Variants in UNC79 observed in about 807,000 individuals in gnomAD.
UNC79 encodes unc-79 subunit of NALCN channel complex, also known as protein unc-79 homolog.
A neutral mutation model predicts 283.1 loss-of-function variants in UNC79; 37 were observed. The ratio of observed to expected loss-of-function variants is 0.13; its 90% CI spans 0.10 to 0.17. The LOEUF is 0.17. Among genes scored for constraint, UNC79 ranks in the 10% least tolerant of loss-of-function variants. The pLI is 1.00. For missense variants in UNC79, 2,272 were observed against 3,211.1 expected (o/e 0.71, Z 7.07); for synonymous variants, 1,107 against 1,200.2 (o/e 0.92, Z 1.61).
At chr14:93,579,530 A>G (rs1159808920) in intron 18 of UNC79, among the ~76,000 whole-genome samples, 2 of 152,082 alleles carry the variant, frequency 1.3e-5, no homozygotes, top group Admixed American at 1.3e-4. Flanking sequence ...CGCAGTGCCC[A>G]TGGATTTTTA....
At chr14:93,431,473 C>A (rs2055875867) in intron 1 of UNC79, among the ~76,000 whole-genome samples, 2 of 151,890 alleles carry the variant, frequency 1.3e-5, no homozygotes, top group African/African-American at 4.8e-5. Flanking sequence ...TCTGAGCATG[C>A]CCAGTTCTTG....
At chr14:93,449,834 G>A (rs1039169901) in intron 1 of UNC79, among the ~76,000 whole-genome samples, 1 of 152,184 alleles carries the variant, frequency 6.6e-6, no homozygotes, top group Non-Finnish European at 1.5e-5. Flanking sequence ...AAAGGGACTT[G>A]TATCTAGGGC....
intron 17 of UNC79, among the ~76,000 whole-genome samples, chr14:93,577,401 C>T (rs969028617): frequency 9.9e-5 from 15 of 152,282 alleles, no homozygotes; most frequent in Admixed American, 5.9e-4. Context: ...ATTGTTGTCT[C>T]ATAATAGTTT....
At chr14:93,446,394 G>GTTTTTTTTTTTTTTTTTTTTTTTTTTGTT in intron 1 of UNC79, among the ~76,000 whole-genome samples, 1 of 142,386 alleles carries the variant, frequency 7.0e-6, no homozygotes, top group Non-Finnish European at 1.5e-5. Context: ...CATGTGTGTG[G>GTTTTTTTTTTTTTTTTTTTTTTTTTTGTT]TTTTTTTTTT....
At chr14:93,476,574 C>T (rs1356224645) in intron 3 of UNC79, among the ~76,000 whole-genome samples, 6 of 152,072 alleles carry the variant, frequency 3.9e-5, no homozygotes, top group Non-Finnish European at 8.8e-5. Context: ...TTAATTCTAA[C>T]GACAATCAGA....
rs527922386 is a variant in UNC79, at chr14:93,489,675, C to T, written c.712+1920C>T. ...GGGTGGAGGTCCCACCTTCCAAACC[C>T]ATTGGGGTAAGAGTTCTGTCTTTTG... On this transcript the variant is annotated intron_variant, in intron 5 of 48. Coordinates refer to ENST00000555664, the Ensembl canonical transcript of UNC79. 1.8e-3 allele frequency among the ~76,000 whole-genome samples: 268 copies of T among 152,378 alleles called. 1 individual carries two copies. Among genetic ancestry groups the T allele is most frequent in the Middle Eastern group, 6.8e-3 (2 of 294 alleles).
intron 35 of UNC79, among the ~76,000 whole-genome samples, chr14:93,648,115 A>G (rs1352059668): frequency 3.9e-5 from 6 of 152,214 alleles, no homozygotes; most frequent in African/African-American, 1.4e-4. Context: ...GCTTTGAAGG[A>G]TCACTGCCTA....
intron 1 of UNC79, among the ~76,000 whole-genome samples, chr14:93,356,659 G>A (rs1235915525): frequency 6.6e-6 from 1 of 152,156 alleles, no homozygotes; most frequent in Non-Finnish European, 1.5e-5. Context: ...TGGCTTTACT[G>A]ACCCATTCTG....
exon 9 of UNC79, chr14:93,528,626 A>C (rs755102326): frequency 1.2e-6 from 2 of 1,613,930 alleles, no homozygotes; most frequent in South Asian, 2.2e-5. Flanking sequence ...TCTGTGAAGA[A>C]TGCAGCGAGA....
At chr14:93,420,630 T>C (rs1267721617) in intron 1 of UNC79, among the ~76,000 whole-genome samples, 4 of 151,814 alleles carry the variant, frequency 2.6e-5, no homozygotes, top group Non-Finnish European at 4.4e-5. Flanking sequence ...TTACAGAACA[T>C]TTTATGCAAC....
rs2053912228 is a variant in UNC79 at position 93,348,345 on chromosome 14, C to T, written c.-351+14822C>T. 4 of 475,976 alleles carry T rather than the reference C, an allele frequency of 8.4e-6. 1 individual carries two copies. The highest frequency in any genetic ancestry group is 7.2e-5 in the South Asian group (2 of 27,786). The allele number at this position is 475,976 out of a possible 1,614,324, so 29.5% of individuals were successfully genotyped here. A position where few individuals can be genotyped will look rare whatever the true frequency, so the allele number is the denominator to read the frequency against. On this transcript the variant is annotated intron_variant, in intron 1 of 49. Coordinates refer to the UNC79 transcript ENST00000256339. ...GTTAAATAAAACGGAAACACTTATT[C>T]GTGCTTGGTAATATGTGTGCAGATT...
At chr14:93,365,069 CA>C (rs1169336988) in intron 1 of UNC79, among the ~76,000 whole-genome samples, 2 of 149,918 alleles carry the variant, frequency 1.3e-5, no homozygotes, top group East Asian at 2.0e-4. Flanking sequence ...CCTATCTCTA[CA>C]AAAAAAAACC....
intron 22 of UNC79, among the ~76,000 whole-genome samples, chr14:93,591,379 C>T (rs1036799160): frequency 6.6e-6 from 1 of 152,126 alleles, no homozygotes; most frequent in African/African-American, 2.4e-5. Flanking sequence ...TTTTCTCTTC[C>T]CCAAAACTTA....
intron 26 of UNC79, among the ~76,000 whole-genome samples, chr14:93,609,307 C>T (rs566678614): frequency 2.6e-5 from 4 of 152,180 alleles, no homozygotes; most frequent in African/African-American, 9.6e-5. Context: ...CACGAGTAGC[C>T]CAGCTTGTAA....
Position 93,405,212 on chromosome 14 carries a change from G to A in UNC79, c.-350-62459G>A, listed in dbSNP as rs866314028. Among the ~76,000 whole-genome samples, 128 of 151,790 alleles carry A rather than the reference G, an allele frequency of 8.4e-4. 1 individual carries two copies. The highest frequency in any genetic ancestry group is 3.1e-3 in the African/African-American group (127 of 41,352). On this transcript the variant is annotated intron_variant, in intron 1 of 49. Coordinates refer to the UNC79 transcript ENST00000256339. ...GTAGGAAAATCGCTTGAACCTGGGA[G>A]GCGGAGTTTGCAGTGAGCCAAGATC... is the stretch of plus-strand genomic sequence containing the variant.
At chr14:93,629,472 G>T (rs2067848924) in intron 30 of UNC79, among the ~76,000 whole-genome samples, 1 of 152,154 alleles carries the variant, frequency 6.6e-6, no homozygotes, top group South Asian at 2.1e-4. Context: ...TTTAACATTA[G>T]TCATTATGCT....
At chr14:93,608,534 G>T (rs1419311186) in intron 26 of UNC79, among the ~76,000 whole-genome samples, 2 of 152,214 alleles carry the variant, frequency 1.3e-5, no homozygotes, top group Non-Finnish European at 2.9e-5. Context: ...GCCCTGCTGT[G>T]GATATGTGCA....
intron 24 of UNC79, among the ~76,000 whole-genome samples, chr14:93,598,745 C>T (rs1315927890): frequency 6.6e-6 from 1 of 152,174 alleles, no homozygotes; most frequent in African/African-American, 2.4e-5. Flanking sequence ...TGGTCTCGAA[C>T]CCCTGGCTTC....
At chr14:93,402,122 A>G (rs1003754974) in intron 1 of UNC79, among the ~76,000 whole-genome samples, 13 of 152,150 alleles carry the variant, frequency 8.5e-5, no homozygotes, top group South Asian at 2.1e-4. Flanking sequence ...CACTAAAAAT[A>G]CAAAAATTAG....
Sources: gnomAD v4.1 joint callset for allele counts (sites outside exome capture counted in the v4.1 genomes callset) on GRCh38, gnomAD v4.1.1 for gene constraint, MANE v1.5 for transcripts, NCBI Gene and HGNC (gene_info 2026-07-23, HGNC 2026-07-21) for gene names.